The following PARD3 variants were observed in gnomAD, a reference collection of about 807,000 sequenced individuals.
PARD3 encodes the protein partitioning defective 3 homolog.
PARD3 carries 75 observed loss-of-function variants against 155.4 expected under a neutral mutation model. The ratio of observed to expected loss-of-function variants is 0.48; its 90% CI spans 0.40 to 0.58. The LOEUF (loss-of-function observed/expected upper bound fraction) is 0.58. Ranked by LOEUF, PARD3 falls within the 20% of genes least tolerant of loss-of-function variation. The pLI, the probability that PARD3 is intolerant of heterozygous loss-of-function variation, is 0.00. For synonymous variants in PARD3, 576 were observed against 610.5 expected (o/e 0.94, Z 0.83); for missense variants, 1,642 against 1,721.7 (o/e 0.95, Z 0.82).
chr10:34,571,878 T>C (rs2086438598), intron 2 of PARD3, among the ~76,000 whole-genome samples: 1 of 152,162 alleles, frequency 6.6e-6, no homozygotes, highest in Non-Finnish European at 1.5e-5. Context: ...AAACCATTTG[T>C]TTTTTGAAAA....
At chr10:34,564,327 G>A (rs969535743) in intron 2 of PARD3, among the ~76,000 whole-genome samples, 6 of 152,152 alleles carry the variant, frequency 3.9e-5, no homozygotes, top group South Asian at 2.1e-4. Context: ...GACAAGGCTG[G>A]CTAACTCACT....
intron 7 of PARD3, 151 bp from the exon 8 acceptor site, chr10:34,384,405 A>G (rs1842143266): frequency 1.3e-6 from 1 of 747,940 alleles, no homozygotes; most frequent in Middle Eastern, 3.9e-4. Flanking sequence ...ATGACAGACA[A>G]AAACCACAAC....
At chr10:34,300,602 C>T (rs541146457) in intron 20 of PARD3, among the ~76,000 whole-genome samples, 141 of 151,366 alleles carry the variant, frequency 9.3e-4, no homozygotes, top group African/African-American at 3.1e-3. Flanking sequence ...CTAGCCTGTC[C>T]GACCTGGGTG....
Position 34,249,874 on chromosome 10 carries a change from G to A in PARD3, c.3419+19783C>T, listed in dbSNP as rs567989815. Among the ~76,000 whole-genome samples, 15 of 152,320 alleles carry A rather than the reference G, an allele frequency of 9.8e-5. No homozygotes were observed. The East Asian group carries it at 2.7e-3, about 27-fold the overall frequency. ...GTCACTACCTGAGTCCACCAGGCAC[G>A]CTGCACATCCGAGGCCACATGCTAG... On this transcript the variant is annotated intron_variant, in intron 22 of 24. Transcript: ENST00000374788.
intron 2 of PARD3, among the ~76,000 whole-genome samples, chr10:34,636,724 G>T (rs1460446726): frequency 5.3e-5 from 8 of 152,194 alleles, no homozygotes; most frequent in Non-Finnish European, 8.8e-5. Context: ...CTCTAGGGGA[G>T]GATTCATGCC....
At chr10:34,671,175 T>A (rs1296627432) in intron 2 of PARD3, among the ~76,000 whole-genome samples, 3 of 152,240 alleles carry the variant, frequency 2.0e-5, no homozygotes, top group African/African-American at 7.2e-5. Context: ...CTGTGGGACT[T>A]TGCCTGTGAA....
At chr10:34,759,692 A>C (rs1358112829) in intron 1 of PARD3, among the ~76,000 whole-genome samples, 1 of 152,256 alleles carries the variant, frequency 6.6e-6, no homozygotes, top group Non-Finnish European at 1.5e-5. Flanking sequence ...TTCAGCAGGC[A>C]ACATGCTACG....
chr10:34,263,690 T>A (rs1300217911), intron 22 of PARD3, among the ~76,000 whole-genome samples: 1 of 152,146 alleles, frequency 6.6e-6, no homozygotes, highest in Non-Finnish European at 1.5e-5. Context: ...ACTCAAGTAT[T>A]CTGGCTCCAT....
At chr10:34,405,073 AACACAAACACACAC>A (rs71033312) in intron 5 of PARD3, among the ~76,000 whole-genome samples, 42,749 of 136,066 alleles carry the variant, frequency 0.31, 7,226 homozygotes, top group South Asian at 0.49. Flanking sequence ...CCCCATCACA[AACACAAACACACAC>A]ACACACACAC....
At chr10:34,121,183 G>C (rs1034944542) in intron 23 of PARD3, among the ~76,000 whole-genome samples, 4 of 152,228 alleles carry the variant, frequency 2.6e-5, no homozygotes, top group Non-Finnish European at 5.9e-5. Context: ...ATACCGCATG[G>C]TATAGATCAG....
chr10:34,374,093 A>AATT (rs1198509482), intron 11 of PARD3, among the ~76,000 whole-genome samples: 4 of 152,164 alleles, frequency 2.6e-5, no homozygotes, highest in Non-Finnish European at 4.4e-5. Context: ...GAAATAAAAC[A>AATT]ATTTTCTTAC....
intron 1 of PARD3, among the ~76,000 whole-genome samples, chr10:34,743,313 T>A (rs2095052043): frequency 6.6e-6 from 1 of 152,218 alleles, no homozygotes; most frequent in Admixed American, 6.5e-5. Flanking sequence ...TGTCTTCTCA[T>A]CTGCACTGCT....
chr10:34,796,609 T>C (rs945268141), intron 1 of PARD3, among the ~76,000 whole-genome samples: 1 of 152,246 alleles, frequency 6.6e-6, no homozygotes, highest in African/African-American at 2.4e-5. Flanking sequence ...TCAGTTCCCA[T>C]AGTTGCAGTA....
At chr10:34,478,082 C>A (rs1280838527) in intron 3 of PARD3, among the ~76,000 whole-genome samples, 2 of 152,054 alleles carry the variant, frequency 1.3e-5, no homozygotes, top group African/African-American at 2.4e-5. Flanking sequence ...GAAGGCAGGG[C>A]AAGAAATAAG....
intron 2 of PARD3, among the ~76,000 whole-genome samples, chr10:34,654,372 G>A (rs1204941955): frequency 6.6e-6 from 1 of 152,098 alleles, no homozygotes; most frequent in African/African-American, 2.4e-5. Flanking sequence ...GTGCTAAAAG[G>A]TTAAGTAACT....
At chr10:34,572,166 T>TA (rs2086466666) in intron 2 of PARD3, among the ~76,000 whole-genome samples, 2 of 152,108 alleles carry the variant, frequency 1.3e-5, no homozygotes, top group Admixed American at 1.3e-4. Flanking sequence ...TTTGTCTCAC[T>TA]AACAAAACTA....
chr10:34,396,965 C>T (rs968642883), intron 7 of PARD3, among the ~76,000 whole-genome samples: 1 of 152,126 alleles, frequency 6.6e-6, no homozygotes, highest in African/African-American at 2.4e-5. Flanking sequence ...TCACAGAGCA[C>T]CTATTATATA....
rs116069264 is a variant in PARD3, at chr10:34,123,116, T to C, written c.3541-3376A>G. Among the ~76,000 whole-genome samples the C allele has an allele frequency of 3.3e-3, 503 of 152,202 alleles. 1 individual carries two copies. Among genetic ancestry groups the C allele is most frequent in the African/African-American group, 0.011 (474 of 41,504 alleles). On this transcript the variant is annotated intron_variant, in intron 23 of 24. Transcript: ENST00000374788. Reference sequence around the variant, plus strand: ...AATTACAAATAACCCTGTGATGAAATTGGTTACAAGCAATGACCTTTTAAA... The same window carrying C: ...AATTACAAATAACCCTGTGATGAAACTGGTTACAAGCAATGACCTTTTAAA...
intron 19 of PARD3, among the ~76,000 whole-genome samples, chr10:34,321,962 C>T (rs1490419698): frequency 1.3e-5 from 2 of 149,066 alleles, no homozygotes; most frequent in Non-Finnish European, 3.0e-5. Flanking sequence ...GAGTCTATTT[C>T]CCCCCCCCAT....
Sources: gnomAD v4.1 joint callset for allele counts (sites outside exome capture counted in the v4.1 genomes callset) on GRCh38, gnomAD v4.1.1 for gene constraint, MANE v1.5 for transcripts, NCBI Gene and HGNC (gene_info 2026-07-23, HGNC 2026-07-21) for gene names.